Variants in TCN1 observed in about 807,000 individuals in gnomAD.
TCN1 encodes transcobalamin 1, also known as transcobalamin-1.
TCN1 carries 47 observed loss-of-function variants against 46.3 expected under a neutral mutation model. The observed-to-expected ratio is 1.01, with a 90% CI of 0.80 to 1.29. TCN1 has a LOEUF of 1.29. TCN1 is among the 50% of genes most tolerant of loss of function. The probability of loss-of-function intolerance (pLI) is 0.00; values close to 1 mark genes in which losing one functional copy is unlikely to be tolerated. For missense variants in TCN1, 532 were observed against 511.0 expected (o/e 1.04, Z -0.40); for synonymous variants, 183 against 192.5 (o/e 0.95, Z 0.41).
chr11:59,861,497 G>T, intron 4 of TCN1, 30 bp downstream of exon 4: 1 of 1,612,068 alleles, frequency 6.2e-7, no homozygotes, highest in Non-Finnish European at 8.5e-7. Flanking sequence ...CATGTCCTCT[G>T]TACCAAGGGA....
chr11:59,865,480 A>G (rs2135112067), intron 1 of TCN1, among the ~76,000 whole-genome samples: 1 of 152,286 alleles, frequency 6.6e-6, no homozygotes, highest in East Asian at 1.9e-4. Context: ...GAGTCAGAAG[A>G]GTCTATGCTT....
At chr11:59,861,895 T>G (rs1853018942) in intron 3 of TCN1, among the ~76,000 whole-genome samples, 1 of 152,318 alleles carries the variant, frequency 6.6e-6, no homozygotes, top group Middle Eastern at 3.4e-3. Context: ...ATTTTATAAC[T>G]GAGGGGACAC....
rs774852812 is a variant in TCN1 at position 59,853,245 on chromosome 11, T to G, written c.1198A>C (p.Thr400Pro). The G allele has an allele frequency of 6.2e-7, 1 of 1,614,140 alleles. No homozygotes were observed. Among genetic ancestry groups the G allele is most frequent in the Non-Finnish European group, 8.5e-7 (1 of 1,180,004 alleles). The change falls in exon 8 of 9, where the codon ACC becomes CCC. Residue 400 changes from threonine to proline, a missense_variant. Transcript: ENST00000257264. ...CCTCCACTCAGAAGTTCCCAGTAGG[T>G]TCTGTCATTATTGTTGGCACATAGG... ...QGLCANNNDR[T>P]YWELLSGGEP...
chr11:59,860,494 A>G (rs926660843), intron 4 of TCN1, among the ~76,000 whole-genome samples: 2 of 151,382 alleles, frequency 1.3e-5, no homozygotes, highest in Non-Finnish European at 2.9e-5. Flanking sequence ...TAAAACACCT[A>G]TGGATTTGTA....
At chr11:59,862,747 A>G in intron 2 of TCN1, 25 bp from the exon 3 acceptor site, 1 of 1,612,172 alleles carries the variant, frequency 6.2e-7, no homozygotes, top group Non-Finnish European at 8.5e-7. Context: ...ATTCAAGCTT[A>G]ATAAGGTACA....
In TCN1 at chr11:59,858,814, G is replaced by A. The variant is rs192660507; in HGVS notation, c.747+263C>T. 3.5e-3 allele frequency among the ~76,000 whole-genome samples: 533 copies of A among 152,006 alleles called. 4 individuals carry two copies. Among genetic ancestry groups the A allele is most frequent in the African/African-American group, 0.012 (509 of 41,502 alleles). On this transcript the variant is annotated intron_variant, in intron 5 of 8. Transcript: ENST00000257264. ...TGAAACTCTGTCTCTACTAAAAATAGAAAAAATTAGCCGGGCGTGGTGGTG... is the reference window on the plus strand; with the variant it reads ...TGAAACTCTGTCTCTACTAAAAATAAAAAAAATTAGCCGGGCGTGGTGGTG...
At chr11:59,860,128 G>GT (rs1337305533) in intron 4 of TCN1, among the ~76,000 whole-genome samples, 1 of 151,998 alleles carries the variant, frequency 6.6e-6, no homozygotes, top group Non-Finnish European at 1.5e-5. Context: ...TTGTTTGTTT[G>GT]TTTTTTGTTT....
intron 7 of TCN1, among the ~76,000 whole-genome samples, chr11:59,854,098 C>T (rs1351545471): frequency 1.3e-5 from 2 of 151,336 alleles, no homozygotes; most frequent in African/African-American, 4.9e-5. Flanking sequence ...GTGAAACCCT[C>T]AGTTGAAATG....
At chr11:59,860,091 C>T (rs944928304) in intron 4 of TCN1, among the ~76,000 whole-genome samples, 1 of 152,152 alleles carries the variant, frequency 6.6e-6, no homozygotes, top group African/African-American at 2.4e-5. Context: ...ATCTCTAAAG[C>T]TCTCTTGCTG....
intron 5 of TCN1, among the ~76,000 whole-genome samples, chr11:59,857,670 G>A (rs1293993626): frequency 6.7e-6 from 1 of 148,766 alleles, no homozygotes; most frequent in African/African-American, 2.5e-5. Flanking sequence ...TTTTTTTTCT[G>A]TAAACCTTCC....
chr11:59,859,004 T>TAA (rs370252349), intron 5 of TCN1, 73 bp downstream of exon 5: 84 of 1,296,872 alleles, frequency 6.5e-5, no homozygotes, highest in Middle Eastern at 3.8e-4. Context: ...AGCTCCATCT[T>TAA]AAAAAAAAAA....
intron 6 of TCN1, 78 bp from the exon 7 acceptor site, chr11:59,854,913 C>A: frequency 6.6e-7 from 1 of 1,504,112 alleles, no homozygotes; most frequent in East Asian, 2.3e-5. Flanking sequence ...TACTCAACCC[C>A]TATCCAAGGA....
intron 1 of TCN1, 115 bp downstream of exon 1, chr11:59,866,277 A>G (rs987287847): frequency 2.8e-6 from 3 of 1,058,782 alleles, no homozygotes; most frequent in African/African-American, 3.1e-5. Flanking sequence ...ATGGAGTCCA[A>G]CCACATACGA....
At chr11:59,857,520 G>A (rs780111214) in intron 5 of TCN1, among the ~76,000 whole-genome samples, 4 of 152,136 alleles carry the variant, frequency 2.6e-5, no homozygotes, top group African/African-American at 7.2e-5. Context: ...TGGTCATGCC[G>A]AACACCTTGA....
chr11:59,862,234 T>C (rs1328223243), intron 3 of TCN1, among the ~76,000 whole-genome samples: 2 of 152,182 alleles, frequency 1.3e-5, no homozygotes, highest in Non-Finnish European at 1.5e-5. Context: ...GTATCCTGTA[T>C]TGTTCAGCTA....
intron 4 of TCN1, among the ~76,000 whole-genome samples, chr11:59,859,590 C>T (rs1852995900): frequency 6.6e-6 from 1 of 152,160 alleles, no homozygotes; most frequent in Non-Finnish European, 1.5e-5. Flanking sequence ...GCCACCATGG[C>T]CAGTTTATTT....
chr11:59,855,787 G>T, intron 6 of TCN1, 82 bp downstream of exon 6: 5 of 1,486,310 alleles, frequency 3.4e-6, no homozygotes, highest in Non-Finnish European at 2.8e-6. Context: ...GGTCACTTTT[G>T]GTTTCAAAGG....
chr11:59,862,045 G>A (rs778339708), intron 3 of TCN1, among the ~76,000 whole-genome samples: 5 of 152,166 alleles, frequency 3.3e-5, no homozygotes, highest in Admixed American at 2.0e-4. Flanking sequence ...TAGGTTAGAG[G>A]CCATCTCAAA....
chr11:59,862,043 A>G (rs1281033346), intron 3 of TCN1, among the ~76,000 whole-genome samples: 1 of 152,252 alleles, frequency 6.6e-6, no homozygotes, highest in African/African-American at 2.4e-5. Context: ...CCTAGGTTAG[A>G]GGCCATCTCA....
Sources: gnomAD v4.1 joint callset for allele counts (sites outside exome capture counted in the v4.1 genomes callset) on GRCh38, gnomAD v4.1.1 for gene constraint, MANE v1.5 for transcripts, NCBI Gene and HGNC (gene_info 2026-07-23, HGNC 2026-07-21) for gene names.